The following FBXO28 variants were observed in gnomAD, a reference collection of about 807,000 sequenced individuals.
FBXO28 encodes the protein F-box only protein 28.
In FBXO28, 8 loss-of-function variants were observed where a neutral mutation model predicts 38.1. The ratio of observed to expected loss-of-function variants is 0.21; its 90% CI spans 0.12 to 0.38. The LOEUF is 0.38. Ranked by LOEUF, FBXO28 falls within the 10% of genes least tolerant of loss-of-function variation. The pLI is 1.00. For missense variants in FBXO28, 345 were observed against 460.6 expected, an observed-to-expected ratio of 0.75 and a Z score of 2.30; for synonymous variants, 168 against 173.8, an observed-to-expected ratio of 0.97 and a Z score of 0.26.
chr1:224,156,759 G>A (rs1657783083), intron 4 of FBXO28, among the ~76,000 whole-genome samples: 1 of 152,172 alleles, frequency 6.6e-6, no homozygotes, highest in African/African-American at 2.4e-5. Context: ...CAGCACTTCG[G>A]GAGGCCGAGG....
intron 3 of FBXO28, among the ~76,000 whole-genome samples, chr1:224,144,083 G>A (rs552864897): frequency 1.5e-3 from 233 of 150,492 alleles, no homozygotes; most frequent in African/African-American, 5.6e-3. Flanking sequence ...CCCAGAGAGA[G>A]ATGGAGGTTG....
intron 4 of FBXO28, among the ~76,000 whole-genome samples, chr1:224,155,264 C>G (rs1032830126): frequency 6.6e-6 from 1 of 152,028 alleles, no homozygotes; most frequent in African/African-American, 2.4e-5. Context: ...CTCCCAAGTT[C>G]AAGCAATTCT....
chr1:224,132,050 C>G (rs1225575970), intron 2 of FBXO28, among the ~76,000 whole-genome samples: 1 of 152,084 alleles, frequency 6.6e-6, no homozygotes, highest in East Asian at 1.9e-4. Flanking sequence ...GTCAGGAGTT[C>G]AAGACCAGCC....
rs190568613 is a variant in FBXO28, at chr1:224,154,530, C to T, written c.712+1193C>T. On this transcript the variant is annotated intron_variant, in intron 4 of 4. Transcript: ENST00000366862. The stretch of plus-strand genomic sequence containing the variant: ...TACTAAAAAATACCAAAAAATTGGC[C>T]GGGCGCGGTGGCTCATGCCTGTAAT... Among the ~76,000 whole-genome samples, 18 of 149,938 alleles carry T rather than the reference C, an allele frequency of 1.2e-4. No homozygotes were observed. In the East Asian group the frequency reaches 1.4e-3, roughly 11 times the overall value.
intron 3 of FBXO28, among the ~76,000 whole-genome samples, chr1:224,137,300 A>G (rs569734601): frequency 7.3e-4 from 110 of 151,720 alleles, no homozygotes; most frequent in Non-Finnish European, 1.2e-3. Context: ...CAAGACGGGT[A>G]GATCACAAGG....
intron 3 of FBXO28, among the ~76,000 whole-genome samples, chr1:224,147,656 G>A (rs987628919): frequency 1.3e-5 from 2 of 151,766 alleles, no homozygotes; most frequent in Non-Finnish European, 2.9e-5. Context: ...CTGAGGATGC[G>A]GAGGGACTGA....
At chr1:224,155,666 A>G (rs1473539606) in intron 4 of FBXO28, among the ~76,000 whole-genome samples, 1 of 152,216 alleles carries the variant, frequency 6.6e-6, no homozygotes, top group Non-Finnish European at 1.5e-5. Flanking sequence ...TTTTGTTCAG[A>G]TTAGTTAGCT....
chr1:224,117,667 C>T (rs1488086345), intron 1 of FBXO28, among the ~76,000 whole-genome samples: 1 of 152,152 alleles, frequency 6.6e-6, no homozygotes, highest in Non-Finnish European at 1.5e-5. Flanking sequence ...GCCCCCTTGG[C>T]AGGTGGGTGA....
At chr1:224,138,495 T>C (rs760512668) in intron 3 of FBXO28, among the ~76,000 whole-genome samples, 10 of 151,848 alleles carry the variant, frequency 6.6e-5, no homozygotes, top group Non-Finnish European at 1.3e-4. Context: ...CACATTGATA[T>C]TCTCTTTATC....
chr1:224,129,656 T>C (rs1282287285), intron 1 of FBXO28, among the ~76,000 whole-genome samples: 1 of 152,204 alleles, frequency 6.6e-6, no homozygotes, highest in Non-Finnish European at 1.5e-5. Flanking sequence ...CTTTTTTGCC[T>C]GCACATAGTA....
At chr1:224,120,334 AT>A in intron 1 of FBXO28, among the ~76,000 whole-genome samples, 1 of 152,294 alleles carries the variant, frequency 6.6e-6, no homozygotes, top group South Asian at 2.1e-4. Flanking sequence ...CCTAGAAAAT[AT>A]TTGTACCTTT....
intron 3 of FBXO28, among the ~76,000 whole-genome samples, chr1:224,136,866 C>T (rs949686779): frequency 6.6e-6 from 1 of 151,460 alleles, no homozygotes; most frequent in Non-Finnish European, 1.5e-5. Context: ...ATTCTCATGC[C>T]TCAGCCTCCC....
At chr1:224,148,554 C>G (rs1232709896) in intron 3 of FBXO28, among the ~76,000 whole-genome samples, 1 of 151,354 alleles carries the variant, frequency 6.6e-6, no homozygotes, top group Non-Finnish European at 1.5e-5. Flanking sequence ...CCCAGCTACT[C>G]GGGAGGCTGA....
At chr1:224,138,391 G>T (rs897703335) in intron 3 of FBXO28, among the ~76,000 whole-genome samples, 1 of 151,836 alleles carries the variant, frequency 6.6e-6, no homozygotes, top group Non-Finnish European at 1.5e-5. Flanking sequence ...TGCAATGTGT[G>T]GTAAATGAAT....
chr1:224,118,751 T>G (rs1401866030), intron 1 of FBXO28, among the ~76,000 whole-genome samples: 2 of 152,218 alleles, frequency 1.3e-5, no homozygotes, highest in African/African-American at 2.4e-5. Flanking sequence ...CTGTCTTGTA[T>G]CTCTCACTCT....
intron 3 of FBXO28, among the ~76,000 whole-genome samples, chr1:224,135,886 T>G (rs1657171106): frequency 6.6e-6 from 1 of 151,638 alleles, no homozygotes. Context: ...AATACGAAAA[T>G]TAGCTGGGCA....
intron 2 of FBXO28, among the ~76,000 whole-genome samples, chr1:224,132,802 CAA>C (rs35539044): frequency 7.5e-4 from 97 of 129,710 alleles, no homozygotes; most frequent in Non-Finnish European, 6.8e-4. Flanking sequence ...GAGCCCGTCT[CAA>C]AAAAAAAAAA....
chr1:224,154,811 CAAAA>C (rs35624285), intron 4 of FBXO28, among the ~76,000 whole-genome samples: 11 of 118,712 alleles, frequency 9.3e-5, no homozygotes, highest in Non-Finnish European at 1.9e-4. Flanking sequence ...GACTCCGTCT[CAAAA>C]AAAAAAAAAA....
chr1:224,130,434 AT>A, intron 1 of FBXO28, 37 bp from the exon 2 acceptor site: 1 of 1,314,594 alleles, frequency 7.6e-7, no homozygotes. Context: ...TCTCTTATTA[AT>A]TTGGTTATTG....
Sources: gnomAD v4.1 joint callset for allele counts (sites outside exome capture counted in the v4.1 genomes callset) on GRCh38, gnomAD v4.1.1 for gene constraint, MANE v1.5 for transcripts, NCBI Gene and HGNC (gene_info 2026-07-23, HGNC 2026-07-21) for gene names.